The following SERGEF variants were observed in gnomAD, a reference collection of about 807,000 sequenced individuals.
SERGEF encodes secretion regulating guanine nucleotide exchange factor, also known as secretion-regulating guanine nucleotide exchange factor.
A neutral mutation model predicts 50.0 loss-of-function variants in SERGEF; 51 were observed. That is an observed-to-expected ratio of 1.02 (90% CI 0.81 to 1.29). SERGEF has a LOEUF of 1.29. SERGEF is among the 50% of genes most tolerant of loss of function. The probability of loss-of-function intolerance (pLI) is 0.00; values close to 1 mark genes in which losing one functional copy is unlikely to be tolerated. For missense variants in SERGEF, 521 were observed against 557.0 expected (o/e 0.94, Z 0.65); for synonymous variants, 205 against 212.4 (o/e 0.97, Z 0.30).
At chr11:17,800,894 G>T (rs1849656047) in intron 10 of SERGEF, among the ~76,000 whole-genome samples, 1 of 152,102 alleles carries the variant, frequency 6.6e-6, no homozygotes, top group Non-Finnish European at 1.5e-5. Flanking sequence ...GGAGAGGCAG[G>T]CCTTAAAATT....
chr11:17,837,907 C>A (rs548581920), intron 10 of SERGEF, among the ~76,000 whole-genome samples: 1 of 152,196 alleles, frequency 6.6e-6, no homozygotes, highest in African/African-American at 2.4e-5. Flanking sequence ...CCTTGTGATT[C>A]ACCCGCCTCG....
intron 5 of SERGEF, among the ~76,000 whole-genome samples, chr11:17,999,061 C>G (rs1463496410): frequency 6.6e-6 from 1 of 152,140 alleles, no homozygotes; most frequent in East Asian, 1.9e-4. Flanking sequence ...TGAATGTCTA[C>G]GGAATTATGT....
chr11:17,893,978 TG>T (rs1472910574), intron 9 of SERGEF, among the ~76,000 whole-genome samples: 4 of 152,202 alleles, frequency 2.6e-5, no homozygotes, highest in African/African-American at 9.6e-5. Flanking sequence ...AGCTTCCTTG[TG>T]CTCCTCTCCC....
chr11:17,901,487 CCCA>C (rs1222170822), intron 9 of SERGEF, among the ~76,000 whole-genome samples: 1 of 152,206 alleles, frequency 6.6e-6, no homozygotes, highest in Non-Finnish European at 1.5e-5. Flanking sequence ...CAGCCTACAT[CCCA>C]CCACATCTTC....
intron 9 of SERGEF, among the ~76,000 whole-genome samples, chr11:17,937,514 G>A (rs1386458960): frequency 6.6e-6 from 1 of 152,062 alleles, no homozygotes. Context: ...TCCAGTCTGG[G>A]TGACAGAGAA....
At chr11:17,934,872 A>C (rs1229068660) in intron 9 of SERGEF, among the ~76,000 whole-genome samples, 1 of 152,186 alleles carries the variant, frequency 6.6e-6, no homozygotes, top group Non-Finnish European at 1.5e-5. Context: ...TCATTATTCA[A>C]CATTCCCTTC....
At chr11:17,857,800 C>T (rs1260803246) in intron 10 of SERGEF, among the ~76,000 whole-genome samples, 3 of 152,158 alleles carry the variant, frequency 2.0e-5, no homozygotes, top group Non-Finnish European at 4.4e-5. Context: ...CAGCTGTGGC[C>T]TACAAAGAGC....
intron 9 of SERGEF, among the ~76,000 whole-genome samples, chr11:17,958,123 C>T (rs762322705): frequency 6.6e-6 from 1 of 152,126 alleles, no homozygotes; most frequent in African/African-American, 2.4e-5. Flanking sequence ...ACACTTAACC[C>T]AGCACTACGA....
intron 9 of SERGEF, among the ~76,000 whole-genome samples, chr11:17,902,869 C>T (rs1265623178): frequency 1.3e-5 from 2 of 152,212 alleles, no homozygotes; most frequent in Non-Finnish European, 2.9e-5. Flanking sequence ...CAGACATCAC[C>T]TGCCCCAAGG....
intron 10 of SERGEF, among the ~76,000 whole-genome samples, chr11:17,871,460 CAA>C (rs59785475): frequency 0.18 from 16,770 of 92,514 alleles, 741 homozygotes; most frequent in African/African-American, 0.25. Flanking sequence ...GACTCCATCT[CAA>C]AAAAAAAAAA....
intron 9 of SERGEF, among the ~76,000 whole-genome samples, chr11:17,932,504 A>C (rs1852373616): frequency 6.6e-6 from 1 of 152,202 alleles, no homozygotes. Flanking sequence ...GGAAAAATAA[A>C]TGTGTGCACA....
chr11:17,826,531 G>A (rs1221255247), intron 10 of SERGEF, among the ~76,000 whole-genome samples: 6 of 152,192 alleles, frequency 3.9e-5, no homozygotes, highest in Non-Finnish European at 8.8e-5. Flanking sequence ...CTGCACGGAT[G>A]GGGAGTGGGA....
chr11:17,819,021 C>T (rs181717601), intron 10 of SERGEF, among the ~76,000 whole-genome samples: 65 of 152,352 alleles, frequency 4.3e-4, no homozygotes, highest in Non-Finnish European at 7.2e-4. Context: ...TTCCTCTATG[C>T]TTCTGCAATA....
chr11:17,898,391 T>C (rs1250986093), intron 9 of SERGEF, among the ~76,000 whole-genome samples: 6 of 152,212 alleles, frequency 3.9e-5, no homozygotes, highest in Non-Finnish European at 8.8e-5. Context: ...TCTATCACAA[T>C]CTTCTGTGAA....
At chr11:17,992,582 C>A (rs1166575608) in intron 7 of SERGEF, among the ~76,000 whole-genome samples, 2 of 152,136 alleles carry the variant, frequency 1.3e-5, no homozygotes, top group African/African-American at 2.4e-5. Context: ...TATAAATTTA[C>A]TGTTGATTAC....
chr11:17,941,062 T>C (rs765476180), intron 9 of SERGEF, among the ~76,000 whole-genome samples: 28 of 152,204 alleles, frequency 1.8e-4, no homozygotes, highest in Non-Finnish European at 2.9e-4. Flanking sequence ...CTACCTAGAT[T>C]CTATAGTTAA....
At chr11:17,940,132 G>C (rs573174413) in intron 9 of SERGEF, among the ~76,000 whole-genome samples, 4 of 152,164 alleles carry the variant, frequency 2.6e-5, no homozygotes, top group Non-Finnish European at 5.9e-5. Context: ...AAGAGGTCTA[G>C]CAAATGAACT....
In SERGEF at chr11:17,906,522, G is replaced by A. The variant is rs12577747; in HGVS notation, c.1012-28278C>T. Among the ~76,000 whole-genome samples the A allele has an allele frequency of 6.9e-3, 1,049 of 152,218 alleles. 67 individuals carry two copies. The East Asian group carries it at 0.17, about 25-fold the overall frequency. On this transcript the variant is annotated intron_variant, in intron 9 of 10. Coordinates refer to ENST00000265965, the MANE Select transcript of SERGEF (RefSeq NM_012139.4). ...GGGTTGCAGCACAGAGCTAAGTGGG[G>A]GTGGGGCGCTTGGTGGCTCAGGCTC... is the stretch of plus-strand genomic sequence containing the variant.
intron 10 of SERGEF, among the ~76,000 whole-genome samples, chr11:17,833,450 A>G (rs977789341): frequency 6.6e-6 from 1 of 152,240 alleles, no homozygotes; most frequent in African/African-American, 2.4e-5. Context: ...AGGGCAGTGC[A>G]GAAGGAAAAT....
Sources: gnomAD v4.1 joint callset for allele counts (sites outside exome capture counted in the v4.1 genomes callset) on GRCh38, gnomAD v4.1.1 for gene constraint, MANE v1.5 for transcripts, NCBI Gene and HGNC (gene_info 2026-07-23, HGNC 2026-07-21) for gene names.